Variants in RBM47 observed in about 807,000 individuals in gnomAD.
RBM47 encodes RNA binding motif protein 47, also known as RNA-binding protein 47.
RBM47 carries 21 observed loss-of-function variants against 47.1 expected under a neutral mutation model. The ratio of observed to expected loss-of-function variants is 0.45; its 90% CI spans 0.32 to 0.64. The LOEUF (loss-of-function observed/expected upper bound fraction) is 0.64, where lower values mean the gene tolerates loss of function less well. RBM47 is among the 30% of genes least tolerant of loss of function. The pLI, the probability that RBM47 is intolerant of heterozygous loss-of-function variation, is 0.05. For synonymous variants in RBM47, 375 were observed against 361.7 expected (o/e 1.04, Z -0.42); for missense variants, 708 against 870.9 (o/e 0.81, Z 2.35).
At chr4:40,555,957 A>C (rs1577951600) in intron 1 of RBM47, among the ~76,000 whole-genome samples, 1 of 151,934 alleles carries the variant, frequency 6.6e-6, no homozygotes, top group South Asian at 2.1e-4. Context: ...GGAGATCAAA[A>C]CTTTTGCCTC....
intron 2 of RBM47, among the ~76,000 whole-genome samples, chr4:40,503,324 T>C (rs760580773): frequency 4.6e-5 from 7 of 151,722 alleles, no homozygotes; most frequent in African/African-American, 1.5e-4. Context: ...TTGGGAAGAG[T>C]AGGTGTACTT....
At chr4:40,431,601 T>G (rs887956231) in intron 6 of RBM47, among the ~76,000 whole-genome samples, 3 of 147,544 alleles carry the variant, frequency 2.0e-5, no homozygotes, top group African/African-American at 5.0e-5. Flanking sequence ...GAGCTTGCAG[T>G]GAGCCGAGAT....
intron 1 of RBM47, among the ~76,000 whole-genome samples, chr4:40,545,666 A>AAAACAAATAAATAAATAAAT (rs1553899564): frequency 7.5e-6 from 1 of 133,606 alleles, no homozygotes; most frequent in South Asian, 2.4e-4. Context: ...CTCCTTCTCA[A>AAAACAAATAAATAAATAAAT]AAATAAATAA....
intron 2 of RBM47, among the ~76,000 whole-genome samples, chr4:40,467,931 A>G (rs919249040): frequency 2.9e-4 from 44 of 152,210 alleles, no homozygotes; most frequent in Middle Eastern, 3.4e-3. Flanking sequence ...TTTTAAGGCT[A>G]TCTCTGTCAT....
intron 1 of RBM47, among the ~76,000 whole-genome samples, chr4:40,611,655 G>C (rs1253566757): frequency 6.6e-6 from 1 of 152,084 alleles, no homozygotes; most frequent in East Asian, 1.9e-4. Flanking sequence ...TTGAACCCGG[G>C]AGGCAGAGGT....
At chr4:40,548,503 G>A (rs1487408206) in intron 1 of RBM47, among the ~76,000 whole-genome samples, 1 of 152,210 alleles carries the variant, frequency 6.6e-6, no homozygotes, top group South Asian at 2.1e-4. Flanking sequence ...CTAAAGGCAG[G>A]GCGACCTGTC....
Position 40,432,698 on chromosome 4 carries a change from C to A in RBM47, c.1495G>T (p.Ala499Ser), listed in dbSNP as rs756413413. 1 of 1,590,464 alleles carries A rather than the reference C, an allele frequency of 6.3e-7. No homozygotes were observed. The highest frequency in any genetic ancestry group is 8.6e-7 in the Non-Finnish European group (1 of 1,165,152). ...AAAAAAAAAA[A>S]AAAVIPTVST... ...ACAGTGGGAATGACAGCGGCTGCGGCGGCTGCGGCCGCGGCTGCGGCGGCA... is the reference window on the plus strand; with the variant it reads ...ACAGTGGGAATGACAGCGGCTGCGGAGGCTGCGGCCGCGGCTGCGGCGGCA... Residue 499 changes from alanine (A) to serine (S), a missense_variant, in exon 6 of 7, where the codon GCC (alanine) becomes TCC (serine). Ala to Ser is a moderately conservative substitution (Grantham distance 99, BLOSUM62 1). Coordinates refer to ENST00000295971, the MANE Select transcript of RBM47 (RefSeq NM_001098634.2).
rs143512451 is a variant in RBM47 at position 40,506,053 on chromosome 4, T to C, written c.-155+38369A>G. Among the ~76,000 whole-genome samples the C allele has an allele frequency of 1.0e-3, 155 of 152,290 alleles. 2 individuals are homozygous for C. The East Asian group carries it at 0.012, about 12-fold the overall frequency. On this transcript the variant is annotated intron_variant, in intron 2 of 6. Transcript: ENST00000295971. ...TGATCTTTCTCTGACCTATCTACTA[T>C]CAAACAACAGCAGTGATGGTACAGA... is the stretch of plus-strand genomic sequence containing the variant.
intron 2 of RBM47, among the ~76,000 whole-genome samples, chr4:40,513,966 A>G (rs1039703392): frequency 6.6e-6 from 1 of 151,854 alleles, no homozygotes; most frequent in Non-Finnish European, 1.5e-5. Flanking sequence ...TGATCCACCC[A>G]CCTCGGCCTT....
chr4:40,537,807 G>T (rs896676118), intron 2 of RBM47, among the ~76,000 whole-genome samples: 1 of 151,712 alleles, frequency 6.6e-6, no homozygotes, highest in Non-Finnish European at 1.5e-5. Flanking sequence ...TAAATTCGGC[G>T]CAATTACTCT....
At chr4:40,575,674 TAAGGGCTAC>T (rs1469767944) in intron 1 of RBM47, among the ~76,000 whole-genome samples, 1 of 152,168 alleles carries the variant, frequency 6.6e-6, no homozygotes, top group Non-Finnish European at 1.5e-5. Flanking sequence ...ACCACTTTGA[TAAGGGCTAC>T]TGTGTGTCTG....
chr4:40,561,318 G>A (rs572312891), intron 1 of RBM47, among the ~76,000 whole-genome samples: 1 of 136,616 alleles, frequency 7.3e-6, no homozygotes, highest in Non-Finnish European at 1.5e-5. Flanking sequence ...TGCGACCACC[G>A]CTTCCTGGGT....
At chr4:40,543,810 A>G (rs1168746263) in intron 2 of RBM47, 1 of 152,126 alleles carries the variant, frequency 6.6e-6, no homozygotes, top group African/African-American at 2.4e-5. Context: ...CAAAAACAAA[A>G]AAGGAAACCT....
chr4:40,507,726 C>T, intron 2 of RBM47, among the ~76,000 whole-genome samples: 1 of 151,414 alleles, frequency 6.6e-6, no homozygotes. Flanking sequence ...GCGGAGGTTG[C>T]AGTGACCCGA....
At chr4:40,593,716 T>TA (rs541698647) in intron 1 of RBM47, among the ~76,000 whole-genome samples, 115 of 152,028 alleles carry the variant, frequency 7.6e-4, no homozygotes, top group African/African-American at 2.7e-3. Context: ...CCGTCTCTAC[T>TA]AAAAATACAA....
chr4:40,574,742 C>T (rs1392714439), intron 1 of RBM47, among the ~76,000 whole-genome samples: 3 of 152,060 alleles, frequency 2.0e-5, no homozygotes, highest in Non-Finnish European at 4.4e-5. Context: ...CTCAGCTACT[C>T]GGGAGGCTGA....
At chr4:40,612,690 G>T (rs958280022) in intron 1 of RBM47, among the ~76,000 whole-genome samples, 1 of 152,192 alleles carries the variant, frequency 6.6e-6, no homozygotes, top group African/African-American at 2.4e-5. Context: ...ATCAGAGAAT[G>T]TCCAAGCTTC....
At chr4:40,495,331 G>T (rs1395590212) in intron 2 of RBM47, among the ~76,000 whole-genome samples, 2 of 152,080 alleles carry the variant, frequency 1.3e-5, no homozygotes, top group African/African-American at 2.4e-5. Context: ...ACTCAGCCAG[G>T]CATGGTGGCT....
At chr4:40,518,289 G>A (rs4861199) in intron 2 of RBM47, among the ~76,000 whole-genome samples, 42,307 of 146,770 alleles carry the variant, frequency 0.29, 6,317 homozygotes, top group African/African-American at 0.39. Flanking sequence ...CAATTCTCCT[G>A]CCTCAGCCTC....
Sources: gnomAD v4.1 joint callset for allele counts (sites outside exome capture counted in the v4.1 genomes callset) on GRCh38, gnomAD v4.1.1 for gene constraint, MANE v1.5 for transcripts, NCBI Gene and HGNC (gene_info 2026-07-23, HGNC 2026-07-21) for gene names.